The following CASQ2 variants were observed in gnomAD, a reference collection of about 807,000 sequenced individuals.
The protein encoded by CASQ2 is calsequestrin 2, also known as calsequestrin-2.
Under a neutral mutation model 46.5 loss-of-function variants are expected in CASQ2, and 49 were observed. That is an observed-to-expected ratio of 1.05 (90% CI 0.84 to 1.34). The LOEUF (loss-of-function observed/expected upper bound fraction) is 1.34. Among genes scored for constraint, CASQ2 ranks in the 40% most tolerant of loss-of-function variants. The pLI is 0.00. For synonymous variants in CASQ2, 174 were observed against 168.5 expected (o/e 1.03, Z -0.25); for missense variants, 486 against 481.3 (o/e 1.01, Z -0.09).
At chr1:115,738,390 C>T in intron 3 of CASQ2, 55 bp from the exon 4 acceptor site, 2 of 1,146,232 alleles carry the variant, frequency 1.7e-6, no homozygotes, top group Admixed American at 1.7e-5. Flanking sequence ...TCCTTCTTCA[C>T]TGGGGAAACA....
At chr1:115,713,799 A>C (rs1654619193) in intron 8 of CASQ2, among the ~76,000 whole-genome samples, 1 of 152,054 alleles carries the variant, frequency 6.6e-6, no homozygotes, top group South Asian at 2.1e-4. Context: ...TGGCTGGGGC[A>C]TTGTTTGGAG....
At chr1:115,721,590 G>A (rs796100507) in intron 7 of CASQ2, among the ~76,000 whole-genome samples, 5 of 151,960 alleles carry the variant, frequency 3.3e-5, no homozygotes, top group Non-Finnish European at 7.4e-5. Flanking sequence ...TTTTTCTTTC[G>A]AAACAGGGTT....
Position 115,740,780 on chromosome 1 carries a change from A to T in CASQ2, c.368T>A (p.Ile123Lys). 6.2e-7 allele frequency: 1 copy of T among 1,613,836 alleles called. No individual in the cohort carries two copies. Among genetic ancestry groups the T allele is most frequent in the South Asian group, 1.1e-5 (1 of 91,052 alleles). Residue 123 changes from isoleucine to lysine, a missense_variant, in exon 3 of 11, where the codon ATA (isoleucine) becomes AAA (lysine). Transcript: ENST00000261448. ...SLYILKGDRT[I>K]EFDGEFAADV... ...AGCTGCAAACTCGCCATCAAACTCT[A>T]TTGTGCGATCACCCTTAAGAATATA...
intron 2 of CASQ2, among the ~76,000 whole-genome samples, chr1:115,742,310 T>C (rs1648214961): frequency 6.6e-6 from 1 of 152,134 alleles, no homozygotes; most frequent in South Asian, 2.1e-4. Context: ...TGATGGCCAA[T>C]CTCAAAAGGT....
intron 8 of CASQ2, among the ~76,000 whole-genome samples, chr1:115,711,079 T>C (rs1654530370): frequency 6.6e-6 from 1 of 152,192 alleles, no homozygotes; most frequent in Admixed American, 6.5e-5. Context: ...GTCCACAGCA[T>C]GCAGCCTGCC....
intron 5 of CASQ2, among the ~76,000 whole-genome samples, chr1:115,729,743 G>T (rs1647724606): frequency 6.6e-6 from 1 of 152,154 alleles, no homozygotes; most frequent in Non-Finnish European, 1.5e-5. Context: ...CAAGTATTAG[G>T]TTGGTGCAAA....
chr1:115,765,893 G>A (rs774348117), intron 1 of CASQ2, among the ~76,000 whole-genome samples: 1 of 152,206 alleles, frequency 6.6e-6, no homozygotes, highest in East Asian at 1.9e-4. Flanking sequence ...CTTAGTGCAA[G>A]TGTGGGGTCT....
rs72554059 is a variant in CASQ2 at position 115,717,958 on chromosome 1, G to A, written c.784-64C>T. 5.2e-3 allele frequency: 5,789 copies of A among 1,115,594 alleles called. 27 individuals are homozygous for A. Among genetic ancestry groups the A allele is most frequent in the Non-Finnish European group, 7.3e-3 (5,293 of 725,816 alleles). 69.1% of individuals were successfully genotyped at this position (1,115,594 alleles called of 1,614,324 possible). ...GAGGGATGCAAAGGACTGAGCCAGG[G>A]ACAGGGACTCAGAAGCTGGAATGGG... is the stretch of plus-strand genomic sequence containing the variant. On this transcript the variant is annotated intron_variant, in intron 7 of 10. Coordinates refer to ENST00000261448, the MANE Select transcript of CASQ2 (RefSeq NM_001232.4).
intron 8 of CASQ2, among the ~76,000 whole-genome samples, chr1:115,709,770 T>C (rs1404246323): frequency 6.6e-6 from 1 of 152,216 alleles, no homozygotes; most frequent in Non-Finnish European, 1.5e-5. Context: ...TATCCTTGCA[T>C]CCAATTGAAA....
chr1:115,728,794 A>T (rs547262720), intron 5 of CASQ2, among the ~76,000 whole-genome samples: 2 of 152,320 alleles, frequency 1.3e-5, no homozygotes, highest in Non-Finnish European at 2.9e-5. Flanking sequence ...TGTCAGGATC[A>T]TATATCTGGA....
intron 8 of CASQ2, among the ~76,000 whole-genome samples, chr1:115,711,296 GAT>G (rs1654535875): frequency 6.6e-6 from 1 of 152,150 alleles, no homozygotes; most frequent in African/African-American, 2.4e-5. Context: ...CAGGTGGACA[GAT>G]AAACGGCCGG....
chr1:115,707,932 G>A (rs1303854633), intron 8 of CASQ2, among the ~76,000 whole-genome samples: 2 of 152,204 alleles, frequency 1.3e-5, no homozygotes, highest in East Asian at 3.9e-4. Flanking sequence ...AGTCTAGGCA[G>A]GCACAAGTGT....
chr1:115,761,433 A>ACTC (rs1648936221), intron 1 of CASQ2, among the ~76,000 whole-genome samples: 4 of 3,434 alleles, frequency 1.2e-3, no homozygotes, highest in African/African-American at 8.4e-3. Context: ...GAAGAAGAAG[A>ACTC]AGAAGAAAGA....
chr1:115,720,479 C>T (rs908740575), intron 7 of CASQ2, among the ~76,000 whole-genome samples: 1 of 152,184 alleles, frequency 6.6e-6, no homozygotes, highest in African/African-American at 2.4e-5. Flanking sequence ...GGTACACAAA[C>T]ATTCAGACCA....
chr1:115,746,687 G>A (rs951045533), intron 1 of CASQ2, among the ~76,000 whole-genome samples: 3 of 151,964 alleles, frequency 2.0e-5, no homozygotes, highest in Admixed American at 6.6e-5. Context: ...TTGCTTTTTG[G>A]CTGTTGAATT....
chr1:115,751,588 C>T lies in CASQ2; in HGVS notation c.235-6676G>A, dbSNP rs144428919. Among the ~76,000 whole-genome samples the T allele has an allele frequency of 9.3e-3, 1,409 of 152,034 alleles. 30 individuals carry two copies. Among genetic ancestry groups the T allele is most frequent in the African/African-American group, 0.033 (1,348 of 41,448 alleles). On this transcript the variant is annotated intron_variant, in intron 1 of 10. Coordinates refer to ENST00000261448, the MANE Select transcript of CASQ2 (RefSeq NM_001232.4). Reference sequence around the variant, plus strand: ...TCGGGAGACTGAGGTAGGAGAATGGCGTGAGCCCTGGAGGTGGAGCTTGCA... The same window carrying T: ...TCGGGAGACTGAGGTAGGAGAATGGTGTGAGCCCTGGAGGTGGAGCTTGCA...
chr1:115,724,888 GC>G (rs1416062428), intron 7 of CASQ2, among the ~76,000 whole-genome samples: 2 of 152,136 alleles, frequency 1.3e-5, no homozygotes, highest in African/African-American at 4.8e-5. Flanking sequence ...TTACTTTATA[GC>G]CTGAGTTCCT....
intron 8 of CASQ2, among the ~76,000 whole-genome samples, chr1:115,710,511 C>T (rs1332536553): frequency 6.6e-6 from 1 of 152,136 alleles, no homozygotes; most frequent in Non-Finnish European, 1.5e-5. Context: ...GATTTTTAAG[C>T]CCAGTGTGAA....
rs769333253 is a variant in CASQ2, at chr1:115,740,735, A to G, written c.413T>C (p.Leu138Pro). 2 of 1,604,720 alleles carry G rather than the reference A, an allele frequency of 1.2e-6. No homozygotes were observed. Among genetic ancestry groups the G allele is most frequent in the Non-Finnish European group, 1.7e-6 (2 of 1,171,508 alleles). Residue 138 changes from leucine (L) to proline (P), a missense_variant, in exon 3 of 11, where the codon CTC becomes CCC. Coordinates refer to ENST00000261448, the MANE Select transcript of CASQ2 (RefSeq NM_001232.4). ...EFAADVLVEF[L>P]LDLIEDPVEI... ...CTGTGTATAAATACTTACATCCAAG[A>G]GGAACTCCACCAAGACATCAGCTGC...
Sources: gnomAD v4.1 joint callset for allele counts (sites outside exome capture counted in the v4.1 genomes callset) on GRCh38, gnomAD v4.1.1 for gene constraint, MANE v1.5 for transcripts, NCBI Gene and HGNC (gene_info 2026-07-23, HGNC 2026-07-21) for gene names.